Variants in CTCF observed in about 807,000 individuals in gnomAD.
CTCF encodes CCCTC-binding factor.
CTCF carries 7 observed loss-of-function variants against 72.3 expected under a neutral mutation model. That is an observed-to-expected ratio of 0.10 (90% CI 0.06 to 0.18). The LOEUF is 0.18. Among genes scored for constraint, CTCF ranks in the 10% least tolerant of loss-of-function variants. The pLI, the probability that CTCF is intolerant of heterozygous loss-of-function variation, is 1.00. For synonymous variants in CTCF, 374 were observed against 315.8 expected, an observed-to-expected ratio of 1.18 and a Z score of -1.95; for missense variants, 516 against 949.1, an observed-to-expected ratio of 0.54 and a Z score of 6.00.
intron 2 of CTCF, among the ~76,000 whole-genome samples, chr16:67,578,919 G>T (rs1249529675): frequency 1.3e-5 from 2 of 150,132 alleles, no homozygotes; most frequent in Non-Finnish European, 3.0e-5. Flanking sequence ...TTGCACTCCA[G>T]CCTGGGGGAC....
chr16:67,564,265 A>G (rs2050810412), intron 1 of CTCF, among the ~76,000 whole-genome samples: 1 of 152,244 alleles, frequency 6.6e-6, no homozygotes, highest in African/African-American at 2.4e-5. Context: ...GCCTTAATAT[A>G]GTTCATTGCA....
chr16:67,564,592 CTAATA>C (rs1298627321), intron 1 of CTCF, among the ~76,000 whole-genome samples: 4 of 152,172 alleles, frequency 2.6e-5, no homozygotes, highest in African/African-American at 7.2e-5. Context: ...CTTTAATTAT[CTAATA>C]TGTTAGTCCA....
At chr16:67,592,662 G>A (rs766113275) in intron 2 of CTCF, among the ~76,000 whole-genome samples, 1 of 152,206 alleles carries the variant, frequency 6.6e-6, no homozygotes, top group Non-Finnish European at 1.5e-5. Flanking sequence ...CCAAGATCGT[G>A]CCACTGCACT....
intron 2 of CTCF, among the ~76,000 whole-genome samples, chr16:67,597,877 A>G (rs117567537): frequency 1.3e-5 from 2 of 152,254 alleles, no homozygotes; most frequent in East Asian, 3.9e-4. Flanking sequence ...ATGTAGCTTT[A>G]TGGATATAGA....
At chr16:67,595,221 C>A (rs941704026) in intron 2 of CTCF, among the ~76,000 whole-genome samples, 2 of 152,190 alleles carry the variant, frequency 1.3e-5, no homozygotes, top group African/African-American at 4.8e-5. Flanking sequence ...CACCCTCCCC[C>A]ACCCTTCCTT....
At chr16:67,617,406 G>A (rs1227657826) in intron 5 of CTCF, among the ~76,000 whole-genome samples, 5 of 152,194 alleles carry the variant, frequency 3.3e-5, no homozygotes. Flanking sequence ...GGCTGAGGCA[G>A]GAGAATGGCG....
intron 2 of CTCF, among the ~76,000 whole-genome samples, chr16:67,579,365 T>G (rs917861080): frequency 1.3e-5 from 2 of 152,086 alleles, no homozygotes; most frequent in African/African-American, 2.4e-5. Flanking sequence ...TTTTGTTTTT[T>G]TTTTATTTGA....
At chr16:67,585,071 GT>G (rs2051651206) in intron 2 of CTCF, among the ~76,000 whole-genome samples, 1 of 152,142 alleles carries the variant, frequency 6.6e-6, no homozygotes, top group Non-Finnish European at 1.5e-5. Flanking sequence ...TTTAGACAGA[GT>G]TTTGCTCTTA....
At chr16:67,636,573 AT>A in intron 10 of CTCF, 116 bp from the exon 11 acceptor site, 1 of 273,816 alleles carries the variant, frequency 3.7e-6, no homozygotes, top group Non-Finnish European at 6.0e-6. Flanking sequence ...GAAAGTGTAT[AT>A]ATATATATAT....
At chr16:67,637,545 A>G (rs1194013050) in intron 11 of CTCF, 143 bp from the exon 12 acceptor site, 2 of 644,674 alleles carry the variant, frequency 3.1e-6, no homozygotes, top group Non-Finnish European at 5.2e-6. Flanking sequence ...AATAAAATAA[A>G]AAATAAATTG....
intron 2 of CTCF, among the ~76,000 whole-genome samples, chr16:67,597,830 C>T (rs1367710081): frequency 1.3e-5 from 2 of 152,050 alleles, no homozygotes; most frequent in East Asian, 3.8e-4. Context: ...TTTAAATTGT[C>T]TGCCTATAGT....
In CTCF at chr16:67,626,159, G is replaced by T. The variant is rs1050400421; in HGVS notation, c.1358-396G>T. Reference sequence around the variant, plus strand: ...AATACTTAAGAATCAGGAGAAATGGGCTGGGCGCAGTGGCTCACACCTATA... The same window carrying T: ...AATACTTAAGAATCAGGAGAAATGGTCTGGGCGCAGTGGCTCACACCTATA... On this transcript the variant is annotated intron_variant, in intron 7 of 11. Coordinates refer to ENST00000264010, the MANE Select transcript of CTCF (RefSeq NM_006565.4). Among the ~76,000 whole-genome samples the T allele has an allele frequency of 3.9e-5, 6 of 152,016 alleles. 1 individual carries two copies. The highest frequency in any genetic ancestry group is 1.3e-4 in the Admixed American group (2 of 15,232).
chr16:67,584,716 G>A (rs1485368005), intron 2 of CTCF, among the ~76,000 whole-genome samples: 1 of 151,908 alleles, frequency 6.6e-6, no homozygotes. Context: ...TAATAAAACT[G>A]TAGGATATTA....
intron 5 of CTCF, 58 bp from the exon 6 acceptor site, chr16:67,620,639 T>C: frequency 7.0e-7 from 1 of 1,435,800 alleles, no homozygotes; most frequent in Non-Finnish European, 9.4e-7. Context: ...TAACCTACTG[T>C]GCTCTTGTTA....
At position 67,635,004 on chromosome 16, in the gene CTCF, A is replaced by G. The variant is rs573868243; in HGVS notation, c.1838-1686A>G. ...AGGCATGAGTCACTGCGCTGGGTAA[A>G]TTTTGTTTTTGTTTTTGTTTGTTTG... On this transcript the variant is annotated intron_variant, in intron 10 of 11. Transcript: ENST00000264010. Among the ~76,000 whole-genome samples the G allele has an allele frequency of 8.4e-5, 12 of 143,340 alleles. No homozygotes were observed. The South Asian group carries it at 2.4e-3, about 29-fold the overall frequency. 94.0% of individuals were successfully genotyped at this position (143,340 alleles called of 152,430 possible). A position where few individuals can be genotyped will look rare whatever the true frequency, so the allele number is the denominator to read the frequency against.
At chr16:67,576,679 G>A (rs1400682515) in intron 2 of CTCF, among the ~76,000 whole-genome samples, 1 of 149,796 alleles carries the variant, frequency 6.7e-6, no homozygotes, top group African/African-American at 2.5e-5. Flanking sequence ...TCAGCCTCCT[G>A]AGTAGCTAGA....
At chr16:67,590,087 C>G (rs1381814902) in intron 2 of CTCF, among the ~76,000 whole-genome samples, 1 of 146,656 alleles carries the variant, frequency 6.8e-6, no homozygotes, top group Non-Finnish European at 1.5e-5. Context: ...AACTCCGTCT[C>G]AAAAAAAGAA....
intron 2 of CTCF, among the ~76,000 whole-genome samples, chr16:67,572,078 C>G (rs2051429846): frequency 1.3e-5 from 2 of 152,034 alleles, no homozygotes; most frequent in South Asian, 4.1e-4. Flanking sequence ...ATTACAAATG[C>G]CAGGATTAGA....
chr16:67,569,631 C>T (rs1389622393), intron 1 of CTCF, among the ~76,000 whole-genome samples: 1 of 151,708 alleles, frequency 6.6e-6, no homozygotes, highest in Non-Finnish European at 1.5e-5. Flanking sequence ...AAAACTGTTT[C>T]ATTGCTATGC....
Sources: gnomAD v4.1 joint callset for allele counts (sites outside exome capture counted in the v4.1 genomes callset) on GRCh38, gnomAD v4.1.1 for gene constraint, MANE v1.5 for transcripts, NCBI Gene and HGNC (gene_info 2026-07-23, HGNC 2026-07-21) for gene names.